Variants in ZNF385D observed in about 807,000 individuals in gnomAD.
ZNF385D encodes the protein zinc finger protein 385D, also known as zinc finger protein 659.
ZNF385D carries 15 observed loss-of-function variants against 35.8 expected under a neutral mutation model. The ratio of observed to expected loss-of-function variants is 0.42; its 90% CI spans 0.28 to 0.64. The LOEUF is 0.64. ZNF385D is among the 30% of genes least tolerant of loss of function. The pLI, the probability that ZNF385D is intolerant of heterozygous loss-of-function variation, is 0.23. For synonymous variants in ZNF385D, 212 were observed against 186.8 expected (o/e 1.13, Z -1.10); for missense variants, 474 against 494.6 (o/e 0.96, Z 0.39).
intron 2 of ZNF385D, among the ~76,000 whole-genome samples, chr3:21,583,589 A>C (rs933044777): frequency 1.3e-5 from 2 of 152,144 alleles, no homozygotes; most frequent in Non-Finnish European, 2.9e-5. Flanking sequence ...TAACATGCTA[A>C]TATATTTAAA....
intron 3 of ZNF385D, among the ~76,000 whole-genome samples, chr3:21,956,118 T>C (rs926169175): frequency 1.3e-5 from 2 of 151,182 alleles, no homozygotes; most frequent in Non-Finnish European, 2.9e-5. Context: ...GCCCAGGAGA[T>C]AGAGGCTGCA....
At chr3:22,072,019 T>C (rs538043604) in intron 3 of ZNF385D, among the ~76,000 whole-genome samples, 2 of 152,244 alleles carry the variant, frequency 1.3e-5, no homozygotes, top group African/African-American at 4.8e-5. Flanking sequence ...TTTCTTGAGA[T>C]GAGCAATAAT....
intron 3 of ZNF385D, among the ~76,000 whole-genome samples, chr3:21,825,983 G>C (rs900764360): frequency 1.3e-5 from 2 of 152,278 alleles, no homozygotes; most frequent in South Asian, 2.1e-4. Flanking sequence ...TGGGGCTAGA[G>C]AATCTAATGC....
intron 2 of ZNF385D, among the ~76,000 whole-genome samples, chr3:22,181,137 A>G (rs1390785812): frequency 6.6e-6 from 1 of 151,908 alleles, no homozygotes; most frequent in Non-Finnish European, 1.5e-5. Context: ...AAATGTCATA[A>G]TTACTCTTAG....
At chr3:22,031,992 C>T (rs1223182086) in intron 3 of ZNF385D, among the ~76,000 whole-genome samples, 5 of 152,202 alleles carry the variant, frequency 3.3e-5, no homozygotes, top group Admixed American at 2.0e-4. Context: ...CCACAGATCT[C>T]TAGGGCAGGG....
chr3:21,546,675 G>A (rs1265421106), intron 3 of ZNF385D, among the ~76,000 whole-genome samples: 3 of 151,924 alleles, frequency 2.0e-5, no homozygotes, highest in Admixed American at 2.0e-4. Flanking sequence ...GCTTAGGTGA[G>A]TGTGGCTGAT....
chr3:22,294,395 C>G (rs1212827855), intron 2 of ZNF385D, among the ~76,000 whole-genome samples: 1 of 151,956 alleles, frequency 6.6e-6, no homozygotes, highest in East Asian at 1.9e-4. Context: ...GAAAACTGTT[C>G]CTATGAATAT....
chr3:21,941,735 G>A lies in ZNF385D; in HGVS notation c.325+227082C>T, dbSNP rs373702667. 1.8e-4 allele frequency among the ~76,000 whole-genome samples: 28 copies of A among 152,058 alleles called. 1 individual carries two copies. The highest frequency in any genetic ancestry group is 1.3e-3 in the Admixed American group (20 of 15,272). ...GATGGTCTCGATCTCCTGACCTCGT[G>A]ATCCGCCCACCTCGGCCTCCCAAAG... On this transcript the variant is annotated intron_variant, in intron 3 of 5. Transcript: ENST00000494108.
chr3:22,200,702 C>T (rs549904459), intron 2 of ZNF385D, among the ~76,000 whole-genome samples: 2 of 152,000 alleles, frequency 1.3e-5, no homozygotes, highest in African/African-American at 4.8e-5. Flanking sequence ...TCTATTTCAC[C>T]CCTACAGTCT....
chr3:21,678,136 C>T (rs9876514), intron 1 of ZNF385D, among the ~76,000 whole-genome samples: 9,788 of 152,116 alleles, frequency 0.064, 370 homozygotes, highest in East Asian at 0.13. Context: ...CTCTGTAAGT[C>T]TTGGAAGACA....
At chr3:21,884,318 C>T (rs1036468859) in intron 3 of ZNF385D, among the ~76,000 whole-genome samples, 1 of 152,004 alleles carries the variant, frequency 6.6e-6, no homozygotes, top group African/African-American at 2.4e-5. Context: ...TGAAAGTAGC[C>T]TTGCCTAAGT....
chr3:21,436,269 G>A (rs115043575), intron 5 of ZNF385D, among the ~76,000 whole-genome samples: 1,782 of 152,196 alleles, frequency 0.012, 29 homozygotes, highest in African/African-American at 0.04. Context: ...CGGCTTGTCA[G>A]TATTCCAGTA....
intron 2 of ZNF385D, among the ~76,000 whole-genome samples, chr3:22,182,106 C>T (rs6775871): frequency 0.028 from 4,191 of 152,160 alleles, 191 homozygotes; most frequent in African/African-American, 0.095. Context: ...GTGTGGACTA[C>T]TGCTCCTCAG....
chr3:21,670,575 A>C (rs576862170), intron 1 of ZNF385D, among the ~76,000 whole-genome samples: 5 of 148,014 alleles, frequency 3.4e-5, no homozygotes, highest in Non-Finnish European at 5.9e-5. Flanking sequence ...AAAACTTTAG[A>C]TCTGATCCTA....
chr3:22,243,583 T>A (rs1275679584), intron 2 of ZNF385D, among the ~76,000 whole-genome samples: 1 of 151,222 alleles, frequency 6.6e-6, no homozygotes, highest in East Asian at 2.0e-4. Context: ...ATTAGCCTGC[T>A]ATTATGACAA....
chr3:21,930,516 T>C (rs542585544), intron 3 of ZNF385D, among the ~76,000 whole-genome samples: 7 of 152,144 alleles, frequency 4.6e-5, no homozygotes, highest in South Asian at 4.1e-4. Context: ...GAAATGCAAA[T>C]GACTCAGAAA....
chr3:21,543,374 G>A (rs572381439), intron 3 of ZNF385D, among the ~76,000 whole-genome samples: 1 of 152,294 alleles, frequency 6.6e-6, no homozygotes, highest in South Asian at 2.1e-4. Context: ...GCATATGGGA[G>A]ACCGCTCCCC....
intron 3 of ZNF385D, among the ~76,000 whole-genome samples, chr3:22,165,366 C>A (rs901369670): frequency 2.0e-5 from 3 of 152,100 alleles, no homozygotes; most frequent in Non-Finnish European, 2.9e-5. Context: ...TGTCAAGCAC[C>A]GGTCTGATGG....
At chr3:22,217,993 G>A (rs1036859122) in intron 2 of ZNF385D, among the ~76,000 whole-genome samples, 26 of 152,198 alleles carry the variant, frequency 1.7e-4, no homozygotes, top group Middle Eastern at 6.8e-3. Flanking sequence ...ATAGGTTAAC[G>A]CTGAAAGGTT....
Sources: gnomAD v4.1 joint callset for allele counts (sites outside exome capture counted in the v4.1 genomes callset) on GRCh38, gnomAD v4.1.1 for gene constraint, MANE v1.5 for transcripts, NCBI Gene and HGNC (gene_info 2026-07-23, HGNC 2026-07-21) for gene names.